The following STMN2 variants were observed in gnomAD, a reference collection of about 807,000 sequenced individuals.
STMN2 encodes the protein stathmin 2.
A neutral mutation model predicts 24.1 loss-of-function variants in STMN2; 2 were observed. The observed-to-expected ratio is 0.08, with a 90% confidence interval of 0.03 to 0.26. STMN2 has a LOEUF of 0.26. STMN2 is among the 10% of genes least tolerant of loss of function. The pLI is 1.00. For synonymous variants in STMN2, 83 were observed against 77.5 expected (o/e 1.07, Z -0.37); for missense variants, 114 against 213.6 (o/e 0.53, Z 2.91).
intron 3 of STMN2, among the ~76,000 whole-genome samples, chr8:79,647,092 C>T (rs1017810119): frequency 2.0e-5 from 3 of 152,182 alleles, no homozygotes; most frequent in African/African-American, 4.8e-5. Flanking sequence ...ACCTGGCCCA[C>T]GGGTTAGCAA....
At chr8:79,664,316 TG>T (rs1261719646) in intron 4 of STMN2, among the ~76,000 whole-genome samples, 1 of 152,094 alleles carries the variant, frequency 6.6e-6, no homozygotes, top group East Asian at 1.9e-4. Flanking sequence ...TAGGAAAAGA[TG>T]GGGGTTATGA....
intron 2 of STMN2, 136 bp downstream of exon 2, chr8:79,637,033 A>G (rs942076473): frequency 5.3e-6 from 4 of 749,224 alleles, no homozygotes; most frequent in South Asian, 1.8e-5. Context: ...GTGTCTAGCT[A>G]TTATGTCCAA....
chr8:79,664,831 A>G lies in STMN2; in HGVS notation c.497A>G (p.Glu166Gly). The G allele has an allele frequency of 6.2e-7, 1 of 1,613,160 alleles. No individual in the cohort carries two copies. Among genetic ancestry groups the G allele is most frequent in the Non-Finnish European group, 8.5e-7 (1 of 1,179,518 alleles). The change falls in exon 5 of 5, where the codon GAG (glutamate) becomes GGG (glycine). Residue 166 changes from glutamate to glycine, a missense_variant. Glu to Gly is a moderately conservative substitution (Grantham distance 98). Coordinates refer to ENST00000220876, the MANE Select transcript of STMN2 (RefSeq NM_007029.4). Reference protein sequence around the residue: ...RLQEKERHAAEVRRNKELQVE... With the variant: ...RLQEKERHAAGVRRNKELQVE... ...GTTTTTTAGGAGAGGCATGCTGCGG[A>G]GGTGCGCAGGAACAAGGAACTCCAG...
chr8:79,621,932 T>C (rs1313499054), intron 1 of STMN2, among the ~76,000 whole-genome samples: 1 of 152,234 alleles, frequency 6.6e-6, no homozygotes, highest in Non-Finnish European at 1.5e-5. Context: ...AGTTTAAAGC[T>C]GCCTTCAAAA....
intron 1 of STMN2, among the ~76,000 whole-genome samples, chr8:79,626,372 G>A (rs540945226): frequency 5.9e-5 from 9 of 152,220 alleles, no homozygotes; most frequent in Non-Finnish European, 1.3e-4. Context: ...ATAGAAATGA[G>A]AAGACTTTCT....
chr8:79,624,416 T>C (rs1381488713), intron 1 of STMN2, among the ~76,000 whole-genome samples: 28 of 127,356 alleles, frequency 2.2e-4, no homozygotes, highest in Non-Finnish European at 3.1e-5. Flanking sequence ...ATTGTACCAC[T>C]GCACTCCAGC....
intron 3 of STMN2, among the ~76,000 whole-genome samples, chr8:79,647,958 A>G (rs552151560): frequency 2.8e-4 from 43 of 152,360 alleles, no homozygotes; most frequent in African/African-American, 9.6e-4. Flanking sequence ...ATAACTATAC[A>G]TCCCAGTTGG....
intron 1 of STMN2, among the ~76,000 whole-genome samples, chr8:79,614,586 CT>C (rs910429877): frequency 2.8e-4 from 43 of 152,272 alleles, no homozygotes; most frequent in African/African-American, 1.0e-3. Context: ...ATTAATAGAC[CT>C]TGTGGTGTTT....
chr8:79,633,983 C>G, intron 1 of STMN2, among the ~76,000 whole-genome samples: 1 of 152,112 alleles, frequency 6.6e-6, no homozygotes, highest in East Asian at 1.9e-4. Flanking sequence ...AATTCACGTT[C>G]CGATACAGCT....
chr8:79,631,397 C>A, intron 1 of STMN2: 2 of 982,524 alleles, frequency 2.0e-6, no homozygotes, highest in Non-Finnish European at 1.2e-6. Flanking sequence ...CTTTCAAAAC[C>A]TCCCTGGCTT....
intron 1 of STMN2, chr8:79,613,393 G>C (rs747677653): frequency 7.1e-6 from 7 of 985,402 alleles, no homozygotes; most frequent in Non-Finnish European, 8.4e-6. Context: ...CCCGGAGTTG[G>C]GCGCTCGCCC....
chr8:79,621,493 C>G (rs988297959), intron 1 of STMN2, among the ~76,000 whole-genome samples: 14 of 152,204 alleles, frequency 9.2e-5, no homozygotes, highest in Admixed American at 7.9e-4. Context: ...CAGCATCAGA[C>G]GTTTTGCAGT....
At chr8:79,656,439 T>C (rs1806368680) in intron 4 of STMN2, among the ~76,000 whole-genome samples, 1 of 152,204 alleles carries the variant, frequency 6.6e-6, no homozygotes, top group African/African-American at 2.4e-5. Context: ...CAAGTCACGA[T>C]TTGGAAGAGG....
At chr8:79,628,247 T>G (rs1563436804) in intron 1 of STMN2, among the ~76,000 whole-genome samples, 1 of 152,076 alleles carries the variant, frequency 6.6e-6, no homozygotes, top group Non-Finnish European at 1.5e-5. Flanking sequence ...CACTGCAATC[T>G]CTGCCTCCTG....
chr8:79,611,832 C>T (rs1037110489), intron 1 of STMN2: 22 of 589,546 alleles, frequency 3.7e-5, no homozygotes, highest in Non-Finnish European at 4.5e-5. Context: ...GACCTCCGCT[C>T]CTTTGTTTTA....
chr8:79,664,859 T>C lies in STMN2; in HGVS notation c.525T>C (p.Val175=). Residue 175 remains valine (V), a synonymous_variant, in exon 5 of 5, where the codon GTT becomes GTC. Coordinates refer to ENST00000220876, the MANE Select transcript of STMN2 (RefSeq NM_007029.4). ...AEVRRNKELQ[V]ELSG ...TGCGCAGGAACAAGGAACTCCAGGT[T>C]GAACTGTCTGGCTGAAGCAAGGGAG... 1 of 1,613,242 alleles carries C rather than the reference T, an allele frequency of 6.2e-7. No homozygotes were observed. Among genetic ancestry groups the C allele is most frequent in the Non-Finnish European group, 8.5e-7 (1 of 1,179,570 alleles).
At chr8:79,648,228 C>G (rs1484052302) in intron 3 of STMN2, among the ~76,000 whole-genome samples, 42 of 152,132 alleles carry the variant, frequency 2.8e-4, no homozygotes, top group Non-Finnish European at 1.9e-4. Flanking sequence ...CTTTGTCAAT[C>G]TGTAAAATGA....
chr8:79,645,967 T>C (rs1431452862), intron 3 of STMN2, among the ~76,000 whole-genome samples: 4 of 152,246 alleles, frequency 2.6e-5, no homozygotes, highest in Non-Finnish European at 5.9e-5. Flanking sequence ...TTTTGTTTAA[T>C]AGTGCTTGGC....
intron 1 of STMN2, among the ~76,000 whole-genome samples, chr8:79,630,625 A>G (rs966354092): frequency 6.6e-6 from 1 of 152,228 alleles, no homozygotes; most frequent in South Asian, 2.1e-4. Flanking sequence ...ATTAAAAAGT[A>G]ATAGGGAGGA....
Sources: gnomAD v4.1 joint callset for allele counts (sites outside exome capture counted in the v4.1 genomes callset) on GRCh38, gnomAD v4.1.1 for gene constraint, MANE v1.5 for transcripts, NCBI Gene and HGNC (gene_info 2026-07-23, HGNC 2026-07-21) for gene names.